Variants in GTPBP6 observed in about 807,000 individuals in gnomAD.
The protein encoded by GTPBP6 is GTP binding protein 6.
GTPBP6 carries 33 observed loss-of-function variants against 28.9 expected under a neutral mutation model. The ratio of observed to expected loss-of-function variants is 1.14; its 90% CI spans 0.87 to 1.53. GTPBP6 has a LOEUF of 1.53. GTPBP6 is among the 40% of genes most tolerant of loss of function. GTPBP6 has a pLI of 0.00. For synonymous variants in GTPBP6, 231 were observed against 192.7 expected, an observed-to-expected ratio of 1.20 and a Z score of -1.65; for missense variants, 507 against 408.3, an observed-to-expected ratio of 1.24 and a Z score of -2.08.
exon 6 of GTPBP6, chrX:312,804 T>G (rs1415334495): frequency 1.9e-6 from 3 of 1,612,260 alleles, no homozygotes; most frequent in Non-Finnish European, 2.5e-6. Flanking sequence ...CACGGGGAAC[T>G]CCCGCCTCGT....
At chrX:312,470 A>G (rs62580113) in intron 6 of GTPBP6, 533,677 of 585,148 alleles carry the variant, frequency 0.91, 241,758 homozygotes, top group East Asian at 0.97. Flanking sequence ...TGGAGGGGAG[A>G]TTGTGGTATA....
rs1255644188 is a variant in GTPBP6, at chrX:315,693, C to G, written c.488-394G>C. Among the ~76,000 whole-genome samples the G allele has an allele frequency of 1.4e-4, 3 of 21,602 alleles. 1 individual carries two copies. The highest frequency in any genetic ancestry group is 1.1e-4 in the African/African-American group (1 of 9,520). The allele number at this position is 21,602 out of a possible 152,430, so 14.2% of individuals were successfully genotyped here. Reference sequence around the variant, plus strand: ...GCAGGGACACAAACACATACACACACACACACACACACAGTAAATACATCC... The same window carrying G: ...GCAGGGACACAAACACATACACACAGACACACACACACAGTAAATACATCC... On this transcript the variant is annotated intron_variant, in intron 2 of 9. Coordinates refer to ENST00000326153, the Ensembl canonical transcript of GTPBP6.
chrX:315,550 G>A (rs1166084605), intron 2 of GTPBP6, among the ~76,000 whole-genome samples: 17 of 46,924 alleles, frequency 3.6e-4, no homozygotes, highest in Admixed American at 8.0e-4. Context: ...ACATACACAC[G>A]CAGACACACA....
chrX:313,834 T>G (rs1355976882), intron 5 of GTPBP6, among the ~76,000 whole-genome samples: 2 of 152,078 alleles, frequency 1.3e-5, no homozygotes, highest in African/African-American at 4.8e-5. Flanking sequence ...ATCTCAGAGT[T>G]TTGGTGTCCA....
intron 2 of GTPBP6, among the ~76,000 whole-genome samples, chrX:315,560 A>ACACACG (rs2070415520): frequency 2.0e-5 from 1 of 50,988 alleles, no homozygotes; most frequent in Non-Finnish European, 3.4e-5. Flanking sequence ...GCAGACACAC[A>ACACACG]CACACACACA....
chrX:313,863 C>G (rs1481506083), intron 5 of GTPBP6, among the ~76,000 whole-genome samples: 1 of 152,066 alleles, frequency 6.6e-6, no homozygotes, highest in East Asian at 1.9e-4. Context: ...GAGCATAGAT[C>G]TCTGCTGTTT....
chrX:311,524 G>A, exon 7 of GTPBP6: 3 of 1,612,238 alleles, frequency 1.9e-6, no homozygotes, highest in Non-Finnish European at 2.5e-6. Flanking sequence ...TCATGCGTGA[G>A]GGCAGCGTGC....
chrX:314,458 C>T (rs139356819), intron 4 of GTPBP6, among the ~76,000 whole-genome samples: 17 of 151,432 alleles, frequency 1.1e-4, no homozygotes, highest in Non-Finnish European at 1.8e-4. Flanking sequence ...GAGAGAGAGC[C>T]CACACGGTGC....
At chrX:314,641 T>A (rs187518359) in intron 4 of GTPBP6, among the ~76,000 whole-genome samples, 4,640 of 151,970 alleles carry the variant, frequency 0.031, 219 homozygotes, top group African/African-American at 0.1. Flanking sequence ...CCCGGCTAAT[T>A]TTTTTCTTGT....
chrX:305,885 A>G (rs979132151), intron 9 of GTPBP6, among the ~76,000 whole-genome samples: 11 of 152,032 alleles, frequency 7.2e-5, no homozygotes, highest in African/African-American at 2.2e-4. Context: ...CGGCCTCCCA[A>G]CGTGTTGGGA....
At chrX:305,590 G>T (rs1392088101) in intron 9 of GTPBP6, among the ~76,000 whole-genome samples, 1 of 149,320 alleles carries the variant, frequency 6.7e-6, no homozygotes, top group Non-Finnish European at 1.5e-5. Context: ...CAAAGTGCTG[G>T]GATGACAGGC....
exon 6 of GTPBP6, chrX:312,842 C>T: frequency 1.2e-6 from 2 of 1,612,914 alleles, no homozygotes; most frequent in Non-Finnish European, 1.7e-6. Context: ...GGTGCCTCTT[C>T]TTGCGAAGCC....
intron 5 of GTPBP6, 65 bp downstream of exon 5, chrX:314,084 AG>A: frequency 1.8e-6 from 2 of 1,086,204 alleles, no homozygotes; most frequent in South Asian, 1.3e-5. Context: ...AGGGCTGAGA[AG>A]GGTGGCTGCC....
intron 7 of GTPBP6, among the ~76,000 whole-genome samples, chrX:309,237 G>C (rs182262010): frequency 4.6e-5 from 7 of 152,262 alleles, no homozygotes; most frequent in Admixed American, 4.6e-4. Context: ...TGCTCTTCAT[G>C]CACTTGGAAA....
At chrX:305,643 T>G (rs1259980294) in intron 9 of GTPBP6, among the ~76,000 whole-genome samples, 9 of 132,946 alleles carry the variant, frequency 6.8e-5, no homozygotes, top group Non-Finnish European at 1.4e-4. Context: ...TTTTTTTTTT[T>G]GAGACAGAGT....
In GTPBP6 at chrX:315,030, G is replaced by T. The variant is rs1602977232; in HGVS notation, c.559-10C>A. 7.5e-6 allele frequency: 3 copies of T among 398,568 alleles called. No individual in the cohort carries two copies. Among genetic ancestry groups the T allele is most frequent in the African/African-American group, 4.1e-5 (2 of 48,650 alleles). The allele number at this position is 398,568 out of a possible 1,614,324, so 24.7% of individuals were successfully genotyped here. On this transcript the variant is annotated splice_polypyrimidine_tract_variant and intron_variant, in intron 3 of 9. Transcript: ENST00000326153. ...CGGCTTCCAGTTCTTTCTGCAAAAGGAGAGAGCAACTGAGAAGCCACGGGG... is the reference window on the plus strand; with the variant it reads ...CGGCTTCCAGTTCTTTCTGCAAAAGTAGAGAGCAACTGAGAAGCCACGGGG...
At chrX:313,120 G>A (rs1169972184) in intron 5 of GTPBP6, among the ~76,000 whole-genome samples, 196 bp from the exon 6 acceptor site, 2 of 152,212 alleles carry the variant, frequency 1.3e-5, no homozygotes, top group East Asian at 1.9e-4. Context: ...ACGGGATCTC[G>A]CCTCCGGGTG....
intron 4 of GTPBP6, among the ~76,000 whole-genome samples, chrX:314,507 C>G (rs1277002104): frequency 1.5e-5 from 2 of 137,840 alleles, no homozygotes; most frequent in Non-Finnish European, 3.3e-5. Context: ...GAGTCTCGCT[C>G]TGTCACCCAG....
At chrX:306,916 C>A (rs866474596) in intron 9 of GTPBP6, among the ~76,000 whole-genome samples, 11 of 78,854 alleles carry the variant, frequency 1.4e-4, no homozygotes, top group East Asian at 4.7e-4. Context: ...AGATTAGGCA[C>A]CTGTTGTATG....
Sources: allele counts gnomAD v4.1 joint callset (sites outside exome capture counted in the v4.1 genomes callset), GRCh38; gene constraint gnomAD v4.1.1; transcripts MANE v1.5; gene names NCBI Gene and HGNC (gene_info 2026-07-23, HGNC 2026-07-21).